NCAM2: variants seen among roughly 807,000 people sequenced by gnomAD.
The protein encoded by NCAM2 is neural cell adhesion molecule 2.
In NCAM2, 30 loss-of-function variants were observed where a neutral mutation model predicts 98.1. The ratio of observed to expected loss-of-function variants is 0.31; its 90% confidence interval spans 0.23 to 0.41. The LOEUF is 0.41. Among genes scored for constraint, NCAM2 ranks in the 10% least tolerant of loss-of-function variants. The pLI, the probability that NCAM2 is intolerant of heterozygous loss-of-function variation, is 1.00. For missense variants in NCAM2, 867 were observed against 1,005.8 expected, an observed-to-expected ratio of 0.86 and a Z score of 1.87; for synonymous variants, 368 against 342.4, an observed-to-expected ratio of 1.07 and a Z score of -0.83.
intron 1 of NCAM2, among the ~76,000 whole-genome samples, chr21:21,166,271 C>A (rs2067948694): frequency 6.6e-6 from 1 of 152,038 alleles, no homozygotes; most frequent in Non-Finnish European, 1.5e-5. Context: ...GCAGTGGCGC[C>A]ATCTCAGCTC....
chr21:21,423,938 T>C (rs1454894800), intron 11 of NCAM2, among the ~76,000 whole-genome samples: 1 of 152,192 alleles, frequency 6.6e-6, no homozygotes, highest in East Asian at 1.9e-4. Flanking sequence ...TTCTAAGATA[T>C]GGAATTATGG....
At chr21:21,533,166 C>CTTTTTTTCTTTT (rs574996894) in intron 16 of NCAM2, among the ~76,000 whole-genome samples, 2 of 93,804 alleles carry the variant, frequency 2.1e-5, no homozygotes, top group Non-Finnish European at 4.1e-5. Context: ...TGTTTGCTTG[C>CTTTTTTTCTTTT]TTTTTTTTTT....
chr21:21,394,084 A>G (rs1241170430), intron 9 of NCAM2, among the ~76,000 whole-genome samples: 1 of 152,226 alleles, frequency 6.6e-6, no homozygotes, highest in Non-Finnish European at 1.5e-5. Flanking sequence ...CTCAAGGATC[A>G]TAAAATATGC....
chr21:21,334,974 T>C (rs1368395833), intron 6 of NCAM2, among the ~76,000 whole-genome samples: 1 of 152,084 alleles, frequency 6.6e-6, no homozygotes, highest in Non-Finnish European at 1.5e-5. Flanking sequence ...ATTAATTGTG[T>C]TTTCATGTAA....
intron 8 of NCAM2, among the ~76,000 whole-genome samples, chr21:21,368,036 C>A (rs1288160753): frequency 6.6e-6 from 1 of 151,724 alleles, no homozygotes. Context: ...ATAATAATCT[C>A]TAAAAGGTTT....
chr21:21,487,906 T>A (rs978504794), intron 15 of NCAM2, among the ~76,000 whole-genome samples: 1 of 152,170 alleles, frequency 6.6e-6, no homozygotes, highest in Admixed American at 6.5e-5. Flanking sequence ...TTTGTTCATT[T>A]CTTTCCTAAT....
At chr21:21,109,420 T>C (rs962937165) in intron 1 of NCAM2, among the ~76,000 whole-genome samples, 3 of 152,156 alleles carry the variant, frequency 2.0e-5, no homozygotes, top group African/African-American at 7.2e-5. Context: ...TATATACACA[T>C]ACTATGTACC....
intron 15 of NCAM2, among the ~76,000 whole-genome samples, chr21:21,499,455 A>T (rs1477451009): frequency 6.6e-6 from 1 of 152,066 alleles, no homozygotes; most frequent in African/African-American, 2.4e-5. Context: ...GTTAGCCAGG[A>T]TGGTCTCGAC....
chr21:21,166,993 G>T (rs1474046217), intron 1 of NCAM2, among the ~76,000 whole-genome samples: 1 of 152,120 alleles, frequency 6.6e-6, no homozygotes, highest in Non-Finnish European at 1.5e-5. Flanking sequence ...ATAACCTGCT[G>T]ACTACCCTTC....
chr21:21,119,628 C>T (rs1601418846), intron 1 of NCAM2, among the ~76,000 whole-genome samples: 1 of 152,032 alleles, frequency 6.6e-6, no homozygotes, highest in Non-Finnish European at 1.5e-5. Context: ...GTTTAATAAG[C>T]CAATTTAGGA....
rs374894504 is a variant in NCAM2, at chr21:21,294,835, C to G, written c.619+2594C>G. Among the ~76,000 whole-genome samples, 7 of 151,232 alleles carry G rather than the reference C, an allele frequency of 4.6e-5. No homozygotes were observed. The East Asian group carries it at 9.8e-4, about 21-fold the overall frequency. ...AGGTTTTTTTTTTTGAAAGTTTTCC[C>G]TTATTATGCCTCTTTTATAAAACTG... On this transcript the variant is annotated intron_variant, in intron 5 of 17. Transcript: ENST00000400546.
chr21:21,475,773 G>A (rs959760970), intron 14 of NCAM2, among the ~76,000 whole-genome samples: 13 of 152,168 alleles, frequency 8.5e-5, no homozygotes, highest in African/African-American at 2.2e-4. Context: ...CCAGGGCTTC[G>A]TTAGGGGTTC....
chr21:21,029,605 TTATA>T (rs2064629945), intron 1 of NCAM2, among the ~76,000 whole-genome samples: 1 of 152,106 alleles, frequency 6.6e-6, no homozygotes, highest in Non-Finnish European at 1.5e-5. Context: ...TTGCTGAGCA[TTATA>T]TTTATTTTTT....
intron 12 of NCAM2, among the ~76,000 whole-genome samples, chr21:21,443,596 A>G (rs1979645186): frequency 6.6e-6 from 1 of 152,106 alleles, no homozygotes; most frequent in Non-Finnish European, 1.5e-5. Context: ...GCATTTTTCA[A>G]ATGCTGTAGC....
At chr21:21,497,477 ATT>A in intron 15 of NCAM2, among the ~76,000 whole-genome samples, 1 of 152,118 alleles carries the variant, frequency 6.6e-6, no homozygotes, top group African/African-American at 2.4e-5. Flanking sequence ...TGAATCAGAT[ATT>A]AAGAAAAAGC....
chr21:21,386,021 C>A (rs1463065053), intron 9 of NCAM2, among the ~76,000 whole-genome samples: 1 of 151,942 alleles, frequency 6.6e-6, no homozygotes, highest in Non-Finnish European at 1.5e-5. Context: ...AGAGAGTTAG[C>A]AGTATCAGAT....
intron 1 of NCAM2, among the ~76,000 whole-genome samples, chr21:21,152,945 GA>G (rs1168815585): frequency 6.6e-6 from 1 of 151,874 alleles, no homozygotes; most frequent in African/African-American, 2.4e-5. Context: ...ATAGCACATA[GA>G]AACCACTGTG....
chr21:21,488,645 G>A (rs1986592859), intron 15 of NCAM2, among the ~76,000 whole-genome samples: 1 of 151,790 alleles, frequency 6.6e-6, no homozygotes, highest in Admixed American at 6.6e-5. Context: ...TATTATGCAT[G>A]ATAACATTTG....
intron 12 of NCAM2, among the ~76,000 whole-genome samples, chr21:21,460,095 A>G (rs182055510): frequency 1.2e-3 from 177 of 152,082 alleles, no homozygotes; most frequent in Non-Finnish European, 2.1e-3. Context: ...TTATCTCTCA[A>G]TAAAGCTGGG....
Sources: gnomAD v4.1 joint callset for allele counts (sites outside exome capture counted in the v4.1 genomes callset) on GRCh38, gnomAD v4.1.1 for gene constraint, MANE v1.5 for transcripts, NCBI Gene and HGNC (gene_info 2026-07-23, HGNC 2026-07-21) for gene names.